The following PTBP2 variants were observed in gnomAD, a reference collection of about 807,000 sequenced individuals.
PTBP2 encodes the protein polypyrimidine tract-binding protein 2.
Under a neutral mutation model 61.4 loss-of-function variants are expected in PTBP2, and 13 were observed. The ratio of observed to expected loss-of-function variants is 0.21; its 90% CI spans 0.14 to 0.34. The LOEUF (loss-of-function observed/expected upper bound fraction) is 0.34, where lower values mean the gene tolerates loss of function less well. Ranked by LOEUF, PTBP2 falls within the 10% of genes least tolerant of loss-of-function variation. PTBP2 has a pLI of 1.00. For missense variants in PTBP2, 405 were observed against 642.6 expected, an observed-to-expected ratio of 0.63 and a Z score of 4.00; for synonymous variants, 215 against 218.5, an observed-to-expected ratio of 0.98 and a Z score of 0.14.
chr1:96,821,972 T>C (rs1235765608), exon 14 of PTBP2: 2 of 152,174 alleles, frequency 1.3e-5, no homozygotes, highest in African/African-American at 4.8e-5. Flanking sequence ...ATTCTTTTTT[T>C]CAACAAGTGT....
intron 1 of PTBP2, 45 bp from the exon 2 acceptor site, chr1:96,723,519 T>C (rs187691653): frequency 1.3e-6 from 2 of 1,537,984 alleles, no homozygotes; most frequent in Non-Finnish European, 8.9e-7. Context: ...AGTGAGTGAT[T>C]AGAAGAATAA....
chr1:96,804,990 A>G (rs756249481), intron 9 of PTBP2, 51 bp downstream of exon 9: 2 of 1,404,848 alleles, frequency 1.4e-6, no homozygotes, highest in African/African-American at 2.9e-5. Context: ...TTCATTTGTG[A>G]AAGTTTTTCA....
chr1:96,736,371 G>T (rs1051714734), intron 2 of PTBP2, among the ~76,000 whole-genome samples: 4 of 151,866 alleles, frequency 2.6e-5, no homozygotes, highest in Admixed American at 1.3e-4. Context: ...TTTAAAAATA[G>T]AATTAAAAAT....
chr1:96,785,276 C>G, intron 8 of PTBP2, 22 bp downstream of exon 8: 1 of 1,504,358 alleles, frequency 6.6e-7, no homozygotes, highest in South Asian at 1.3e-5. Context: ...ATTGTCTTAA[C>G]CACTTTTCTC....
intron 2 of PTBP2, among the ~76,000 whole-genome samples, chr1:96,747,798 G>A (rs1654034492): frequency 6.6e-6 from 1 of 151,734 alleles, no homozygotes; most frequent in Admixed American, 6.6e-5. Context: ...CTAGGCTTTT[G>A]TTCTTGGCTA....
intron 5 of PTBP2, among the ~76,000 whole-genome samples, chr1:96,773,836 G>A (rs554390711): frequency 6.6e-6 from 1 of 151,860 alleles, no homozygotes; most frequent in South Asian, 2.1e-4. Flanking sequence ...GGTGGCGGGC[G>A]CCTGTAGTCC....
chr1:96,750,894 A>AT (rs1170738815), intron 2 of PTBP2, among the ~76,000 whole-genome samples: 10 of 151,976 alleles, frequency 6.6e-5, no homozygotes, highest in African/African-American at 1.7e-4. Flanking sequence ...ACATGACCTT[A>AT]TTTTTTTGCA....
intron 11 of PTBP2, 90 bp from the exon 12 acceptor site, chr1:96,812,622 A>C: frequency 9.5e-7 from 1 of 1,054,034 alleles, no homozygotes; most frequent in East Asian, 2.6e-5. Context: ...ATCATAAGAA[A>C]ATTCAAATTT....
intron 2 of PTBP2, among the ~76,000 whole-genome samples, chr1:96,744,556 C>T (rs1339387572): frequency 6.6e-6 from 1 of 152,134 alleles, no homozygotes; most frequent in Non-Finnish European, 1.5e-5. Flanking sequence ...GCAAAACAAC[C>T]ATAACTTAGG....
intron 2 of PTBP2, among the ~76,000 whole-genome samples, chr1:96,735,309 A>G (rs1652019413): frequency 6.6e-6 from 1 of 152,240 alleles, no homozygotes; most frequent in South Asian, 2.1e-4. Context: ...CAGTATTAAC[A>G]TTTAATGTAA....
intron 7 of PTBP2, 31 bp from the exon 8 acceptor site, chr1:96,785,028 G>C: frequency 7.0e-7 from 1 of 1,436,948 alleles, no homozygotes; most frequent in Non-Finnish European, 9.3e-7. Flanking sequence ...TTTTGTTTAA[G>C]ATTGCTGATA....
At chr1:96,750,457 C>A (rs538458980) in intron 2 of PTBP2, among the ~76,000 whole-genome samples, 18 of 151,732 alleles carry the variant, frequency 1.2e-4, no homozygotes, top group African/African-American at 3.9e-4. Context: ...TTAAGGGAGA[C>A]AACCTATGGA....
At chr1:96,722,012 C>A in intron 1 of PTBP2, 140 bp downstream of exon 1, 1 of 1,098,294 alleles carries the variant, frequency 9.1e-7, no homozygotes, top group Non-Finnish European at 1.3e-6. Flanking sequence ...CCCCATCGCA[C>A]ACACCCCTCC....
intron 2 of PTBP2, among the ~76,000 whole-genome samples, chr1:96,727,099 C>G (rs2100787236): frequency 6.6e-6 from 1 of 152,334 alleles, no homozygotes; most frequent in East Asian, 1.9e-4. Flanking sequence ...GATCTGCTTT[C>G]TGTCACTATA....
At chr1:96,778,073 T>A (rs1465035884) in intron 7 of PTBP2, 127 bp downstream of exon 7, 2 of 399,522 alleles carry the variant, frequency 5.0e-6, no homozygotes, top group African/African-American at 4.2e-5. Flanking sequence ...ATGGCATTAA[T>A]ATTAAGAAAC....
intron 2 of PTBP2, among the ~76,000 whole-genome samples, chr1:96,750,392 G>GT (rs200064706): frequency 0.065 from 9,413 of 145,682 alleles, 401 homozygotes; most frequent in Middle Eastern, 0.1. Context: ...GTATTTTTCT[G>GT]TTTTTTTTTT....
At chr1:96,732,098 G>C (rs947054336) in intron 2 of PTBP2, among the ~76,000 whole-genome samples, 2 of 152,106 alleles carry the variant, frequency 1.3e-5, no homozygotes, top group African/African-American at 4.8e-5. Context: ...TAAAATGTTA[G>C]CTTTTTCTAA....
At chr1:96,731,554 GCTT>G (rs1057156927) in intron 2 of PTBP2, among the ~76,000 whole-genome samples, 1 of 152,010 alleles carries the variant, frequency 6.6e-6, no homozygotes, top group African/African-American at 2.4e-5. Context: ...TTTAGCCTCA[GCTT>G]CTTCACCTTT....
chr1:96,781,076 A>C (rs1277404718), intron 7 of PTBP2, among the ~76,000 whole-genome samples: 1 of 152,034 alleles, frequency 6.6e-6, no homozygotes, highest in Non-Finnish European at 1.5e-5. Context: ...AAATCAGCAT[A>C]CTTCTAGCAA....
Sources: allele counts gnomAD v4.1 joint callset (sites outside exome capture counted in the v4.1 genomes callset), GRCh38; gene constraint gnomAD v4.1.1; transcripts MANE v1.5; gene names NCBI Gene and HGNC (gene_info 2026-07-23, HGNC 2026-07-21).